EPSTI1: variants seen among roughly 807,000 people sequenced by gnomAD.
The protein encoded by EPSTI1 is epithelial stromal interaction 1.
Under a neutral mutation model 49.9 loss-of-function variants are expected in EPSTI1, and 66 were observed. That is an observed-to-expected ratio of 1.32 (90% CI 1.08 to 1.62). The LOEUF (loss-of-function observed/expected upper bound fraction) is 1.62, where lower values mean the gene tolerates loss of function less well. EPSTI1 is among the 40% of genes most tolerant of loss of function. EPSTI1 has a pLI of 0.00. For missense variants in EPSTI1, 394 were observed against 365.5 expected, an observed-to-expected ratio of 1.08 and a Z score of -0.64; for synonymous variants, 137 against 130.7, an observed-to-expected ratio of 1.05 and a Z score of -0.33.
intron 1 of EPSTI1, among the ~76,000 whole-genome samples, chr13:42,976,749 T>C (rs9533330): frequency 0.62 from 94,580 of 152,104 alleles, 29,502 homozygotes; most frequent in Middle Eastern, 0.83. Context: ...GAAAGAAACA[T>C]ACTTGTAAAA....
In EPSTI1 at chr13:42,992,000, C is replaced by CG. The variant is rs767610322; in HGVS notation, c.165dup (p.Val56ArgfsTer24). On this transcript the variant is annotated frameshift_variant, in exon 1 of 11. Coordinates refer to ENST00000313624, the MANE Select transcript of EPSTI1 (RefSeq NM_033255.5). LOFTEE classifies it high-confidence loss of function. ...CACCGCCTCTGGCCCGCGTGCACGACGCTCTCCCGCGAAGGGCCCTTAGGG... is the reference window on the plus strand; with the variant it reads ...CACCGCCTCTGGCCCGCGTGCACGACGGCTCTCCCGCGAAGGGCCCTTAGGG... 2.6e-4 allele frequency: 425 copies of CG among 1,613,276 alleles called. No homozygotes were observed. The highest frequency in any genetic ancestry group is 4.9e-4 in the Middle Eastern group (3 of 6,084).
intron 1 of EPSTI1, among the ~76,000 whole-genome samples, chr13:42,990,789 C>T (rs918589555): frequency 1.3e-5 from 2 of 152,132 alleles, no homozygotes; most frequent in Admixed American, 1.3e-4. Context: ...TATACTGTTT[C>T]TTAGCAACCA....
intron 6 of EPSTI1, among the ~76,000 whole-genome samples, chr13:42,943,880 A>G (rs896927762): frequency 6.6e-6 from 1 of 152,246 alleles, no homozygotes; most frequent in Non-Finnish European, 1.5e-5. Flanking sequence ...ACACTTCTCA[A>G]AAGAAGACAT....
chr13:42,955,387 C>A (rs2039226925), intron 5 of EPSTI1, among the ~76,000 whole-genome samples: 1 of 152,128 alleles, frequency 6.6e-6, no homozygotes, highest in African/African-American at 2.4e-5. Context: ...CCAAAAACAG[C>A]TAGAGACAAA....
chr13:42,921,608 G>A (rs1298630502), intron 7 of EPSTI1, among the ~76,000 whole-genome samples: 1 of 152,166 alleles, frequency 6.6e-6, no homozygotes, highest in African/African-American at 2.4e-5. Context: ...TTAAAACAGG[G>A]ATTCTCAACC....
intron 6 of EPSTI1, among the ~76,000 whole-genome samples, chr13:42,931,481 A>C (rs1262758746): frequency 3.3e-5 from 5 of 152,142 alleles, no homozygotes; most frequent in Admixed American, 3.3e-4. Flanking sequence ...CTGGGATTAC[A>C]GGCGTGAGCC....
intron 9 of EPSTI1, 38 bp downstream of exon 9, chr13:42,900,272 A>C (rs907834638): frequency 6.3e-7 from 1 of 1,575,922 alleles, no homozygotes; most frequent in Non-Finnish European, 8.7e-7. Context: ...TAGGTAATTG[A>C]TTTAACCAAG....
At chr13:42,973,946 G>A (rs996563269) in intron 1 of EPSTI1, among the ~76,000 whole-genome samples, 2 of 152,156 alleles carry the variant, frequency 1.3e-5, no homozygotes, top group African/African-American at 4.8e-5. Flanking sequence ...TTCCAACAGC[G>A]CACATCCGTG....
At chr13:42,985,072 G>T (rs2040053881) in intron 1 of EPSTI1, among the ~76,000 whole-genome samples, 1 of 152,192 alleles carries the variant, frequency 6.6e-6, no homozygotes, top group Non-Finnish European at 1.5e-5. Context: ...GAAAGTGGGA[G>T]CAGGGGTAGG....
At chr13:42,936,200 C>T (rs932574158) in intron 6 of EPSTI1, among the ~76,000 whole-genome samples, 7 of 152,134 alleles carry the variant, frequency 4.6e-5, no homozygotes, top group African/African-American at 1.7e-4. Context: ...GTCTAGTCTT[C>T]CCCTCCTCTC....
chr13:42,981,484 A>G (rs981919145), intron 1 of EPSTI1, among the ~76,000 whole-genome samples: 1 of 152,120 alleles, frequency 6.6e-6, no homozygotes, highest in African/African-American at 2.4e-5. Flanking sequence ...ATTCCCATTC[A>G]TTTTTGGTGA....
chr13:42,932,758 C>T (rs1431276300), intron 6 of EPSTI1, among the ~76,000 whole-genome samples: 1 of 151,974 alleles, frequency 6.6e-6, no homozygotes, highest in African/African-American at 2.4e-5. Flanking sequence ...AAGAGAAAAA[C>T]AATAACTTAA....
At chr13:42,892,723 T>G (rs1409906780) in intron 10 of EPSTI1, among the ~76,000 whole-genome samples, 2 of 152,182 alleles carry the variant, frequency 1.3e-5, no homozygotes, top group Admixed American at 6.5e-5. Flanking sequence ...AGATAGTATC[T>G]AATTTCATAA....
chr13:42,890,533 C>T (rs182270764), intron 10 of EPSTI1, among the ~76,000 whole-genome samples: 1 of 152,168 alleles, frequency 6.6e-6, no homozygotes, highest in Non-Finnish European at 1.5e-5. Flanking sequence ...CTCCTGACCT[C>T]GTGATCCGCC....
intron 10 of EPSTI1, among the ~76,000 whole-genome samples, chr13:42,893,025 T>C (rs1323492399): frequency 2.6e-5 from 4 of 152,182 alleles, no homozygotes; most frequent in Non-Finnish European, 5.9e-5. Context: ...AATCGTTGGA[T>C]TTTGCAATGT....
At chr13:42,944,528 G>A (rs527864937) in intron 6 of EPSTI1, among the ~76,000 whole-genome samples, 2 of 152,246 alleles carry the variant, frequency 1.3e-5, no homozygotes, top group South Asian at 4.2e-4. Flanking sequence ...ATGGGGTGGG[G>A]GGCTAGGGGA....
chr13:42,891,383 A>T (rs868427589), intron 10 of EPSTI1, among the ~76,000 whole-genome samples: 4 of 152,338 alleles, frequency 2.6e-5, no homozygotes, highest in Middle Eastern at 3.4e-3. Flanking sequence ...ACAGTAAGAC[A>T]TAGATGTTGA....
intron 6 of EPSTI1, among the ~76,000 whole-genome samples, chr13:42,946,464 A>G (rs1177695186): frequency 1.3e-5 from 2 of 152,220 alleles, no homozygotes; most frequent in African/African-American, 4.8e-5. Context: ...AATAGAGTGC[A>G]GCCAGGAGAG....
At chr13:42,968,856 T>C (rs1566168858) in intron 3 of EPSTI1, among the ~76,000 whole-genome samples, 1 of 150,924 alleles carries the variant, frequency 6.6e-6, no homozygotes, top group Non-Finnish European at 1.5e-5. Flanking sequence ...AAGCCATCAC[T>C]GTGTTCCCAT....
Sources: allele counts gnomAD v4.1 joint callset (sites outside exome capture counted in the v4.1 genomes callset), GRCh38; gene constraint gnomAD v4.1.1; transcripts MANE v1.5; gene names NCBI Gene and HGNC (gene_info 2026-07-23, HGNC 2026-07-21).